UBE3C: variants seen among roughly 807,000 people sequenced by gnomAD.
UBE3C encodes the protein ubiquitin protein ligase E3C.
A neutral mutation model predicts 129.4 loss-of-function variants in UBE3C; 42 were observed. The observed-to-expected ratio is 0.32, with a 90% confidence interval of 0.25 to 0.42. The LOEUF (loss-of-function observed/expected upper bound fraction) is 0.42, where lower values mean the gene tolerates loss of function less well. Ranked by LOEUF, UBE3C falls within the 10% of genes least tolerant of loss-of-function variation. The probability of loss-of-function intolerance (pLI) is 1.00; values close to 1 mark genes in which losing one functional copy is unlikely to be tolerated. For synonymous variants in UBE3C, 510 were observed against 492.4 expected, an observed-to-expected ratio of 1.04 and a Z score of -0.47; for missense variants, 1,049 against 1,319.1, an observed-to-expected ratio of 0.80 and a Z score of 3.17.
chr7:157,227,478 C>G (rs1364055674), intron 17 of UBE3C, among the ~76,000 whole-genome samples: 1 of 152,022 alleles, frequency 6.6e-6, no homozygotes, highest in African/African-American at 2.4e-5. Context: ...GCAGGCAGAT[C>G]ACAAGGTCAG....
chr7:157,164,056 T>C (rs1220195138), intron 2 of UBE3C, among the ~76,000 whole-genome samples, 193 bp downstream of exon 2: 1 of 152,152 alleles, frequency 6.6e-6, no homozygotes, highest in African/African-American at 2.4e-5. Flanking sequence ...AAGGGCAGTT[T>C]CCAGACTGGA....
intron 1 of UBE3C, among the ~76,000 whole-genome samples, chr7:157,154,419 C>G (rs1807847200): frequency 6.6e-6 from 1 of 152,166 alleles, no homozygotes; most frequent in Admixed American, 6.5e-5. Context: ...AGTATCCTCT[C>G]AGAACAAGTC....
chr7:157,205,334 T>TC (rs144879410), intron 11 of UBE3C, among the ~76,000 whole-genome samples: 7 of 152,054 alleles, frequency 4.6e-5, no homozygotes, highest in East Asian at 3.9e-4. Flanking sequence ...AATTACCCTG[T>TC]CCCTTTTTTT....
intron 13 of UBE3C, among the ~76,000 whole-genome samples, chr7:157,216,215 T>C (rs1167030629): frequency 6.6e-6 from 1 of 152,186 alleles, no homozygotes; most frequent in Non-Finnish European, 1.5e-5. Context: ...TGCTGCTTTT[T>C]TCCCCTAGTG....
At chr7:157,171,809 C>T (rs151251169) in intron 4 of UBE3C, among the ~76,000 whole-genome samples, 83 of 145,308 alleles carry the variant, frequency 5.7e-4, no homozygotes, top group African/African-American at 1.8e-3. Context: ...CGGGTTCAAG[C>T]GATTCTCCTG....
At chr7:157,184,053 G>T in intron 9 of UBE3C, 24 bp downstream of exon 9, 3 of 1,609,024 alleles carry the variant, frequency 1.9e-6, no homozygotes, top group Non-Finnish European at 2.5e-6. Context: ...CCTGCATCTG[G>T]GGGGCTGCGA....
chr7:157,184,336 G>A (rs1202581096), intron 9 of UBE3C, among the ~76,000 whole-genome samples: 1 of 151,954 alleles, frequency 6.6e-6, no homozygotes, highest in Non-Finnish European at 1.5e-5. Context: ...GAAATTGTTG[G>A]GTCAAAAAGA....
intron 17 of UBE3C, among the ~76,000 whole-genome samples, chr7:157,230,395 G>GAAA (rs59540123): frequency 3.1e-4 from 43 of 138,042 alleles, no homozygotes; most frequent in African/African-American, 9.6e-4. Flanking sequence ...ATAAGCTTTT[G>GAAA]AAAAAAAAAA....
At chr7:157,143,525 C>G (rs577273018) in intron 1 of UBE3C, among the ~76,000 whole-genome samples, 2 of 152,276 alleles carry the variant, frequency 1.3e-5, no homozygotes, top group East Asian at 3.9e-4. Flanking sequence ...CTGGCTTTCT[C>G]CATTTCTCAC....
chr7:157,237,971 G>A (rs1017356891), intron 18 of UBE3C, among the ~76,000 whole-genome samples: 5 of 151,964 alleles, frequency 3.3e-5, no homozygotes, highest in African/African-American at 1.2e-4. Context: ...AGGATTGCTT[G>A]AGCCTGAAAT....
intron 1 of UBE3C, among the ~76,000 whole-genome samples, chr7:157,151,733 G>T (rs1352547412): frequency 6.6e-6 from 1 of 152,158 alleles, no homozygotes; most frequent in African/African-American, 2.4e-5. Flanking sequence ...ATTTGCCCTT[G>T]GAGAGAAGAG....
chr7:157,252,941 T>TC (rs1796655534), intron 19 of UBE3C, among the ~76,000 whole-genome samples: 1 of 152,206 alleles, frequency 6.6e-6, no homozygotes, highest in Admixed American at 6.5e-5. Flanking sequence ...GTGGGGGTCT[T>TC]GCTTTATCTC....
intron 4 of UBE3C, among the ~76,000 whole-genome samples, 195 bp from the exon 5 acceptor site, chr7:157,174,724 G>A (rs771918858): frequency 2.6e-5 from 4 of 152,110 alleles, no homozygotes; most frequent in Non-Finnish European, 5.9e-5. Flanking sequence ...AGTTACAGAC[G>A]TGAACCACTG....
At chr7:157,218,032 CAA>C (rs1586696875) in intron 14 of UBE3C, among the ~76,000 whole-genome samples, 1 of 150,238 alleles carries the variant, frequency 6.7e-6, no homozygotes, top group East Asian at 2.0e-4. Flanking sequence ...CCAGAAAAAA[CAA>C]AAAATATAAG....
chr7:157,267,512 G>A, intron 22 of UBE3C, 73 bp from the exon 23 acceptor site: 1 of 1,552,852 alleles, frequency 6.4e-7, no homozygotes, highest in Non-Finnish European at 8.8e-7. Context: ...GGCACATTTT[G>A]TGTACTTTGT....
At chr7:157,160,838 AAG>A (rs1808049402) in intron 1 of UBE3C, among the ~76,000 whole-genome samples, 1 of 152,164 alleles carries the variant, frequency 6.6e-6, no homozygotes, top group Non-Finnish European at 1.5e-5. Context: ...CTGTGAGGAA[AAG>A]AGTTTTCTTT....
At chr7:157,145,170 G>A (rs1265027620) in intron 1 of UBE3C, among the ~76,000 whole-genome samples, 2 of 152,128 alleles carry the variant, frequency 1.3e-5, no homozygotes, top group African/African-American at 4.8e-5. Flanking sequence ...GAGCCCTGGA[G>A]GTGGAGGTTG....
intron 13 of UBE3C, among the ~76,000 whole-genome samples, chr7:157,210,840 G>A (rs1360836839): frequency 5.9e-5 from 9 of 152,222 alleles, no homozygotes; most frequent in African/African-American, 2.2e-4. Context: ...AGTCATTTGT[G>A]TGAGAGGCTC....
chr7:157,220,623 A>C, intron 14 of UBE3C, 66 bp from the exon 15 acceptor site: 1 of 1,587,748 alleles, frequency 6.3e-7, no homozygotes. Context: ...ATTCTGTTCA[A>C]GTGTGATCAG....
Sources: gnomAD v4.1 joint callset for allele counts (sites outside exome capture counted in the v4.1 genomes callset) on GRCh38, gnomAD v4.1.1 for gene constraint, MANE v1.5 for transcripts, NCBI Gene and HGNC (gene_info 2026-07-23, HGNC 2026-07-21) for gene names.